Variants in CFAP54 observed in about 807,000 individuals in gnomAD.
The protein encoded by CFAP54 is cilia and flagella associated protein 54.
Under a neutral mutation model 370.4 loss-of-function variants are expected in CFAP54, and 290 were observed. That is an observed-to-expected ratio of 0.78 (90% CI 0.71 to 0.86). The LOEUF (loss-of-function observed/expected upper bound fraction) is 0.86. Ranked by LOEUF, CFAP54 falls within the 40% of genes least tolerant of loss-of-function variation. The pLI is 0.00. For synonymous variants in CFAP54, 1,206 were observed against 1,236.5 expected (o/e 0.98, Z 0.52); for missense variants, 3,399 against 3,528.7 (o/e 0.96, Z 0.93).
chr12:96,674,662 T>G (rs1420952644), intron 39 of CFAP54, among the ~76,000 whole-genome samples: 1 of 152,184 alleles, frequency 6.6e-6, no homozygotes, highest in Admixed American at 6.5e-5. Flanking sequence ...GAGGAATTAT[T>G]TATCAGCCAG....
intron 39 of CFAP54, among the ~76,000 whole-genome samples, chr12:96,673,730 C>T (rs1485091280): frequency 6.6e-6 from 1 of 152,206 alleles, no homozygotes; most frequent in African/African-American, 2.4e-5. Flanking sequence ...ATGGTTTCCA[C>T]ACCAGATCGC....
At chr12:96,562,958 A>G (rs1208414975) in intron 17 of CFAP54, among the ~76,000 whole-genome samples, 3 of 152,358 alleles carry the variant, frequency 2.0e-5, no homozygotes, top group East Asian at 3.9e-4. Flanking sequence ...ATTACTTAGC[A>G]TAATAATCTT....
chr12:96,785,389 T>A (rs1958619032), intron 61 of CFAP54, among the ~76,000 whole-genome samples: 1 of 152,098 alleles, frequency 6.6e-6, no homozygotes, highest in South Asian at 2.1e-4. Context: ...TAGTCCCTCT[T>A]GTGATTGTGT....
chr12:96,820,817 T>G (rs568251667), intron 65 of CFAP54, among the ~76,000 whole-genome samples: 3 of 152,240 alleles, frequency 2.0e-5, no homozygotes, highest in Non-Finnish European at 4.4e-5. Flanking sequence ...ATTTTTATAC[T>G]TCTTTTGTAG....
chr12:96,625,862 T>G, intron 29 of CFAP54, 55 bp downstream of exon 29: 1 of 1,297,040 alleles, frequency 7.7e-7, no homozygotes, highest in South Asian at 1.3e-5. Context: ...TGAAGAGAAT[T>G]AATTCTGTGG....
At chr12:96,776,439 A>G (rs1001045948) in intron 60 of CFAP54, among the ~76,000 whole-genome samples, 7 of 152,198 alleles carry the variant, frequency 4.6e-5, no homozygotes, top group Non-Finnish European at 7.4e-5. Context: ...TTACAAGTTA[A>G]CATAAATAGC....
At chr12:96,714,590 G>A (rs779849971) in intron 48 of CFAP54, among the ~76,000 whole-genome samples, 1 of 152,106 alleles carries the variant, frequency 6.6e-6, no homozygotes, top group Non-Finnish European at 1.5e-5. Context: ...GGAGGAAGGA[G>A]TGATCAATTG....
At chr12:96,583,544 C>A (rs1221604823) in intron 22 of CFAP54, among the ~76,000 whole-genome samples, 2 of 152,158 alleles carry the variant, frequency 1.3e-5, no homozygotes, top group Non-Finnish European at 2.9e-5. Context: ...GTGTACCAGG[C>A]ATTTAAAATT....
chr12:96,728,506 G>A (rs1957871861), intron 50 of CFAP54, among the ~76,000 whole-genome samples: 1 of 152,060 alleles, frequency 6.6e-6, no homozygotes, highest in Non-Finnish European at 1.5e-5. Flanking sequence ...CGTAGTTCTC[G>A]ACCCTTGGCT....
At chr12:96,624,759 C>T (rs1231845723) in intron 28 of CFAP54, among the ~76,000 whole-genome samples, 2 of 152,106 alleles carry the variant, frequency 1.3e-5, no homozygotes, top group Non-Finnish European at 2.9e-5. Context: ...TACTGTGTGC[C>T]TCTGTTCTAT....
intron 32 of CFAP54, among the ~76,000 whole-genome samples, chr12:96,633,267 A>G (rs570601276): frequency 6.6e-6 from 1 of 152,316 alleles, no homozygotes; most frequent in African/African-American, 2.4e-5. Flanking sequence ...CCTTGTTGTA[A>G]CATGCATATT....
intron 39 of CFAP54, among the ~76,000 whole-genome samples, chr12:96,665,928 A>G (rs1331412957): frequency 6.6e-6 from 1 of 152,060 alleles, no homozygotes; most frequent in Non-Finnish European, 1.5e-5. Context: ...TGTTTTAATG[A>G]TATTGATTCT....
intron 60 of CFAP54, among the ~76,000 whole-genome samples, chr12:96,781,327 G>A (rs1470232336): frequency 6.6e-6 from 1 of 152,100 alleles, no homozygotes; most frequent in Admixed American, 6.5e-5. Flanking sequence ...GAAGCGAATT[G>A]GAATATGGCC....
chr12:96,523,801 G>A (rs562993506), intron 8 of CFAP54, among the ~76,000 whole-genome samples: 58 of 151,998 alleles, frequency 3.8e-4, no homozygotes, highest in Non-Finnish European at 7.5e-4. Context: ...AGTTATCCTG[G>A]TAGCAAAACT....
intron 62 of CFAP54, among the ~76,000 whole-genome samples, chr12:96,788,110 G>A (rs975276996): frequency 6.6e-6 from 1 of 152,108 alleles, no homozygotes; most frequent in African/African-American, 2.4e-5. Context: ...TGGAAAGGAA[G>A]AGATGGCTGT....
intron 26 of CFAP54, among the ~76,000 whole-genome samples, chr12:96,607,423 A>T (rs1183539481): frequency 6.6e-6 from 1 of 152,210 alleles, no homozygotes; most frequent in Non-Finnish European, 1.5e-5. Flanking sequence ...TCTGTAACTG[A>T]ACAAATGAAT....
intron 4 of CFAP54, 73 bp downstream of exon 4, chr12:96,507,172 T>A: frequency 8.7e-7 from 1 of 1,154,226 alleles, no homozygotes; most frequent in Non-Finnish European, 1.2e-6. Context: ...TGACAGTAGC[T>A]TGAGTACCTT....
intron 2 of CFAP54, among the ~76,000 whole-genome samples, chr12:96,503,591 T>G (rs1955057110): frequency 6.6e-6 from 1 of 152,142 alleles, no homozygotes; most frequent in South Asian, 2.1e-4. Context: ...GAACCTGGGT[T>G]TTGAGTATTT....
chr12:96,589,584 A>G, intron 23 of CFAP54, 21 bp downstream of exon 23: 3 of 1,333,636 alleles, frequency 2.2e-6, no homozygotes, highest in South Asian at 1.3e-5. Flanking sequence ...ATATTCTTCT[A>G]AAATATTAAT....
Sources: allele counts gnomAD v4.1 joint callset (sites outside exome capture counted in the v4.1 genomes callset), GRCh38; gene constraint gnomAD v4.1.1; transcripts MANE v1.5; gene names NCBI Gene and HGNC (gene_info 2026-07-23, HGNC 2026-07-21).